The following FLT1 variants were observed in gnomAD, a reference collection of about 807,000 sequenced individuals.
FLT1 encodes fms related receptor tyrosine kinase 1.
Under a neutral mutation model 156.3 loss-of-function variants are expected in FLT1, and 49 were observed. That is an observed-to-expected ratio of 0.31 (90% CI 0.25 to 0.40). FLT1 has a LOEUF of 0.40. Ranked by LOEUF, FLT1 falls within the 10% of genes least tolerant of loss-of-function variation. FLT1 has a pLI of 1.00. For missense variants in FLT1, 1,322 were observed against 1,637.2 expected, an observed-to-expected ratio of 0.81 and a Z score of 3.32; for synonymous variants, 594 against 583.8, an observed-to-expected ratio of 1.02 and a Z score of -0.25.
intron 10 of FLT1, among the ~76,000 whole-genome samples, chr13:28,408,889 C>T (rs371976917): frequency 1.3e-5 from 2 of 150,924 alleles, no homozygotes; most frequent in African/African-American, 4.8e-5. Flanking sequence ...TATTTATAAC[C>T]CCTGAAAGGA....
At chr13:28,368,015 T>A in intron 14 of FLT1, 2 of 272,344 alleles carry the variant, frequency 7.3e-6, no homozygotes, top group Non-Finnish European at 1.1e-5. Context: ...ATGTTTGTTT[T>A]TCAAAGGTGA....
At chr13:28,313,625 AAAG>A (rs753087486) in intron 25 of FLT1, among the ~76,000 whole-genome samples, 3 of 152,104 alleles carry the variant, frequency 2.0e-5, no homozygotes, top group Non-Finnish European at 2.9e-5. Context: ...ATATCTGCTA[AAAG>A]AAGTCAGACT....
chr13:28,307,774 T>A (rs1870811922), intron 28 of FLT1, among the ~76,000 whole-genome samples: 1 of 147,146 alleles, frequency 6.8e-6, no homozygotes, highest in South Asian at 2.2e-4. Context: ...TTGCCAGCAC[T>A]CCTTTTTTTT....
intron 6 of FLT1, among the ~76,000 whole-genome samples, chr13:28,431,864 TATA>T (rs1323749885): frequency 6.6e-6 from 1 of 151,904 alleles, no homozygotes; most frequent in Non-Finnish European, 1.5e-5. Flanking sequence ...TGAAGGAAAA[TATA>T]ATGAGTCTTG....
At position 28,303,343 on chromosome 13, in the gene FLT1, CCTTA is replaced by C; in HGVS notation, c.3837_3840del (p.Ser1279ArgfsTer62). The C allele has an allele frequency of 1.2e-6, 2 of 1,614,008 alleles. No homozygotes were observed. The highest frequency in any genetic ancestry group is 2.2e-5 in the South Asian group (2 of 91,060). ...CTGCTGACATCAGACAGCCCCGACT[CCTTA>C]CTTTTACTGGTTACTCTCAAGCTAA... On this transcript the variant is annotated frameshift_variant, in exon 30 of 30. Transcript: ENST00000282397. LOFTEE classifies it high-confidence loss of function.
At chr13:28,329,578 A>T (rs773110468) in intron 19 of FLT1, 37 bp downstream of exon 19, 12 of 1,399,568 alleles carry the variant, frequency 8.6e-6, no homozygotes, top group Non-Finnish European at 1.2e-5. Flanking sequence ...CAGCCTGTGC[A>T]GGGGGAGACG....
At chr13:28,412,350 C>CTTTCTCTTTCTTTCTTTCTT (rs71086853) in intron 10 of FLT1, among the ~76,000 whole-genome samples, 7 of 93,706 alleles carry the variant, frequency 7.5e-5, no homozygotes, top group Non-Finnish European at 9.1e-5. Context: ...TTCTTTCTTT[C>CTTTCTCTTTCTTTCTTTCTT]TCTTTCTTTC....
chr13:28,353,818 A>T (rs1427678329), intron 15 of FLT1, among the ~76,000 whole-genome samples: 1 of 152,138 alleles, frequency 6.6e-6, no homozygotes, highest in Non-Finnish European at 1.5e-5. Context: ...ACCAAACAAG[A>T]CCTGTGATTA....
chr13:28,309,884 C>CTTTTTTTT (rs60568918), intron 27 of FLT1, among the ~76,000 whole-genome samples: 6 of 90,874 alleles, frequency 6.6e-5, no homozygotes, highest in Non-Finnish European at 9.9e-5. Flanking sequence ...TTCTTTTTTC[C>CTTTTTTTT]TTTTTTTTTT....
chr13:28,393,736 G>A (rs1002986127), intron 12 of FLT1, among the ~76,000 whole-genome samples: 1 of 152,134 alleles, frequency 6.6e-6, no homozygotes, highest in African/African-American at 2.4e-5. Flanking sequence ...ACAGGCACGT[G>A]CCAGCAGGCC....
chr13:28,421,656 T>G (rs1204541252), intron 10 of FLT1, among the ~76,000 whole-genome samples: 2 of 152,228 alleles, frequency 1.3e-5, no homozygotes, highest in Non-Finnish European at 2.9e-5. Context: ...AAGTTGAAAT[T>G]TTCTGTTAAT....
chr13:28,318,308 A>C (rs566897191), intron 24 of FLT1, among the ~76,000 whole-genome samples: 8 of 151,834 alleles, frequency 5.3e-5, no homozygotes, highest in African/African-American at 1.9e-4. Flanking sequence ...AATGGAGTGG[A>C]ATGGGGTGGG....
chr13:28,480,199 T>C (rs558169859), intron 1 of FLT1, among the ~76,000 whole-genome samples: 25 of 152,304 alleles, frequency 1.6e-4, no homozygotes, highest in African/African-American at 5.8e-4. Context: ...CTCACTACAT[T>C]CTCTATATGA....
In FLT1 at chr13:28,317,893, T is replaced by A. The variant is rs181139718; in HGVS notation, c.3287-296A>T. On this transcript the variant is annotated intron_variant, in intron 24 of 29. Transcript: ENST00000282397. ...AGAGGAAGGGGTGTCGTCTGAAGGG[T>A]CCTTGCCTTCTCCCCACAAGTAACT... Among the ~76,000 whole-genome samples, 8 of 152,216 alleles carry A rather than the reference T, an allele frequency of 5.3e-5. No individual in the cohort carries two copies. The East Asian group carries it at 1.4e-3, about 26-fold the overall frequency.
chr13:28,348,916 C>CAAA (rs5802478), intron 15 of FLT1, among the ~76,000 whole-genome samples: 1 of 122,536 alleles, frequency 8.2e-6, no homozygotes, highest in African/African-American at 2.9e-5. Flanking sequence ...GACTCCGTCT[C>CAAA]AAAAAAAAAA....
chr13:28,332,669 C>G (rs969722753), intron 18 of FLT1, among the ~76,000 whole-genome samples: 3 of 152,194 alleles, frequency 2.0e-5, no homozygotes, highest in African/African-American at 4.8e-5. Flanking sequence ...CCCTTACTTA[C>G]GCTGAGCAGC....
intron 10 of FLT1, among the ~76,000 whole-genome samples, chr13:28,409,494 G>A (rs1000425347): frequency 6.6e-6 from 1 of 151,806 alleles, no homozygotes; most frequent in East Asian, 1.9e-4. Context: ...GCCATCATGC[G>A]AGGATAATTT....
At position 28,303,332 on chromosome 13, in the gene FLT1, C is replaced by T; in HGVS notation, c.3852G>A (p.Leu1284=). ...AGAAACTGGGCCTGCTGACATCAGA[C>T]AGCCCCGACTCCTTACTTTTACTGG... is the stretch of plus-strand genomic sequence containing the variant. The part of the protein sequence containing the change: ...RVTSKSKESG[L]SDVSRPSFCH... Residue 1284 remains leucine, a synonymous_variant, in exon 30 of 30, where the codon CTG becomes CTA. Coordinates refer to ENST00000282397, the MANE Select transcript of FLT1 (RefSeq NM_002019.4). 6.2e-7 allele frequency: 1 copy of T among 1,614,138 alleles called. No homozygotes were observed. Among genetic ancestry groups the T allele is most frequent in the Non-Finnish European group, 8.5e-7 (1 of 1,180,030 alleles).
chr13:28,411,561 A>C (rs1049087766), intron 10 of FLT1, among the ~76,000 whole-genome samples: 2 of 151,826 alleles, frequency 1.3e-5, no homozygotes, highest in Non-Finnish European at 2.9e-5. Context: ...AAAAAAAAAA[A>C]AAAAAAACTT....
Sources: allele counts gnomAD v4.1 joint callset (sites outside exome capture counted in the v4.1 genomes callset), GRCh38; gene constraint gnomAD v4.1.1; transcripts MANE v1.5; gene names NCBI Gene and HGNC (gene_info 2026-07-23, HGNC 2026-07-21).